CAMKK2: variants seen among roughly 807,000 people sequenced by gnomAD.
CAMKK2 encodes calcium/calmodulin-dependent protein kinase kinase 2.
CAMKK2 carries 30 observed loss-of-function variants against 67.2 expected under a neutral mutation model. The ratio of observed to expected loss-of-function variants is 0.45; its 90% CI spans 0.33 to 0.61. The LOEUF is 0.61. Among genes scored for constraint, CAMKK2 ranks in the 20% least tolerant of loss-of-function variants. CAMKK2 has a pLI of 0.02. For synonymous variants in CAMKK2, 322 were observed against 326.2 expected (o/e 0.99, Z 0.14); for missense variants, 643 against 802.0 (o/e 0.80, Z 2.39).
intron 3 of CAMKK2, among the ~76,000 whole-genome samples, chr12:121,270,551 T>C (rs1163808163): frequency 6.6e-6 from 1 of 151,924 alleles, no homozygotes; most frequent in East Asian, 1.9e-4. Context: ...GCATTTGGAG[T>C]TTTGACCATG....
intron 1 of CAMKK2, among the ~76,000 whole-genome samples, chr12:121,279,212 C>T (rs985544291): frequency 2.0e-5 from 3 of 152,230 alleles, no homozygotes; most frequent in Non-Finnish European, 2.9e-5. Flanking sequence ...TCGGCCTCTG[C>T]GGTCTGTTGG....
At chr12:121,268,083 C>CAT (rs71850101) in intron 5 of CAMKK2, among the ~76,000 whole-genome samples, 3,482 of 96,950 alleles carry the variant, frequency 0.036, 313 homozygotes, top group African/African-American at 0.076. Context: ...CCATTGGATG[C>CAT]ATATATATAT....
chr12:121,269,421 A>T, intron 4 of CAMKK2, 107 bp downstream of exon 4: 1 of 856,334 alleles, frequency 1.2e-6, no homozygotes, highest in African/African-American at 1.7e-5. Flanking sequence ...ATGACCTAAG[A>T]ATAAAATGAG....
At chr12:121,255,206 TTATATATATAATTTTA>T (rs201529670) in intron 9 of CAMKK2, among the ~76,000 whole-genome samples, 3,352 of 22,226 alleles carry the variant, frequency 0.15, 844 homozygotes, top group African/African-American at 0.23. Context: ...ATATATATAA[TTATATATATAATTTTA>T]TATATATATA....
At chr12:121,255,959 C>T (rs1304315906) in intron 7 of CAMKK2, among the ~76,000 whole-genome samples, 155 bp from the exon 8 acceptor site, 4 of 152,166 alleles carry the variant, frequency 2.6e-5, no homozygotes, top group Non-Finnish European at 4.4e-5. Context: ...CCAAGCTGGC[C>T]AAGGTCCTGC....
chr12:121,277,257 C>G (rs965052142), intron 1 of CAMKK2, among the ~76,000 whole-genome samples: 8 of 152,204 alleles, frequency 5.3e-5, no homozygotes, highest in Non-Finnish European at 7.3e-5. Flanking sequence ...AGAGTCCAAT[C>G]ATGCGGCAAG....
At chr12:121,241,669 G>A (rs1156354364) in intron 16 of CAMKK2, among the ~76,000 whole-genome samples, 3 of 152,242 alleles carry the variant, frequency 2.0e-5, no homozygotes, top group Non-Finnish European at 2.9e-5. Context: ...ACAACAATCC[G>A]TGTCTCCTGT....
intron 2 of CAMKK2, among the ~76,000 whole-genome samples, chr12:121,273,709 A>C (rs1407631340): frequency 2.0e-5 from 3 of 151,998 alleles, no homozygotes; most frequent in African/African-American, 7.3e-5. Context: ...CCATGAGTAT[A>C]AATACCCCAG....
At chr12:121,296,961 G>C (rs1901417737), upstream of CAMKK2, among the ~76,000 whole-genome samples, 1 of 152,014 alleles carries the variant, frequency 6.6e-6, no homozygotes, top group South Asian at 2.1e-4. This position sits in a 1 kb window ranked among gnomAD's most constrained non-coding sequence, Gnocchi z 7.1. Context: ...GTAGCGAAGA[G>C]GCGAAGGGCA....
chr12:121,288,348 G>C (rs1899209431), intron 1 of CAMKK2, among the ~76,000 whole-genome samples: 1 of 152,052 alleles, frequency 6.6e-6, no homozygotes, highest in Non-Finnish European at 1.5e-5. Flanking sequence ...CCCACCTTTT[G>C]GACATCATGC....
chr12:121,262,484 CCTGGGCAA>C (rs1459361240), intron 6 of CAMKK2, among the ~76,000 whole-genome samples: 1 of 151,770 alleles, frequency 6.6e-6, no homozygotes, highest in Non-Finnish European at 1.5e-5. Context: ...TGCACTCCAG[CCTGGGCAA>C]CAGAGTGAGA....
At position 121,240,996 on chromosome 12, in the gene CAMKK2, C is replaced by T. The variant is rs1888274315; in HGVS notation, c.1597-127G>A. Reference sequence around the variant, plus strand: ...CGCGCACCCCCTGGAACGTGATCTACGTAACCCAGTCTTTGAGATCCTCTC... The same window carrying T: ...CGCGCACCCCCTGGAACGTGATCTATGTAACCCAGTCTTTGAGATCCTCTC... On this transcript the variant is annotated intron_variant, in intron 16 of 16. Transcript: ENST00000404169. The surrounding 1 kb of genome is among the most constrained non-coding windows in gnomAD (Gnocchi z 4.4). 2.3e-6 allele frequency: 2 copies of T among 873,514 alleles called. No homozygotes were observed. The highest frequency in any genetic ancestry group is 2.5e-5 in the East Asian group (1 of 39,542). The allele number at this position is 873,514 out of a possible 1,614,324, so 54.1% of individuals were successfully genotyped here. A position where few individuals can be genotyped will look rare whatever the true frequency, so the allele number is the denominator to read the frequency against.
intron 1 of CAMKK2, among the ~76,000 whole-genome samples, chr12:121,295,581 T>A (rs759370295): frequency 2.0e-5 from 3 of 152,072 alleles, no homozygotes; most frequent in Middle Eastern, 3.2e-3. Context: ...GAGTGGTAAA[T>A]GGCAGCACAG....
Position 121,281,825 on chromosome 12 carries a change from A to G in CAMKK2, c.-59-7240T>C, listed in dbSNP as rs185077923. Among the ~76,000 whole-genome samples the G allele has an allele frequency of 6.6e-5, 10 of 152,338 alleles. No individual in the cohort carries two copies. The East Asian group carries it at 1.9e-3, about 29-fold the overall frequency. On this transcript the variant is annotated intron_variant, in intron 1 of 16. Transcript: ENST00000404169. ...GCCAGGTGTGGTGGCGGGCGCCTGTAATCTCAGCTACTTGGGAGGCTGAGG... is the reference window on the plus strand; with the variant it reads ...GCCAGGTGTGGTGGCGGGCGCCTGTGATCTCAGCTACTTGGGAGGCTGAGG...
intron 7 of CAMKK2, among the ~76,000 whole-genome samples, chr12:121,258,624 C>T (rs558478524): frequency 2.6e-5 from 4 of 152,220 alleles, no homozygotes; most frequent in South Asian, 2.1e-4. Context: ...AAAATATAAC[C>T]GTGTCAGGAT....
rs1269585733 is a variant in CAMKK2, at chr12:121,255,316, TTA to T, written c.907+232_907+233del. 5.9e-3 allele frequency among the ~76,000 whole-genome samples: 27 copies of T among 4,546 alleles called. 3 individuals are homozygous for T. Among genetic ancestry groups the T allele is most frequent in the African/African-American group, 0.024 (24 of 1,012 alleles). 3.0% of individuals were successfully genotyped at this position (4,546 alleles called of 152,430 possible). A position where few individuals can be genotyped will look rare whatever the true frequency, so the allele number is the denominator to read the frequency against. ...TATATATATAATTTTATATATAATT[TTA>T]TATATATATAATTATATATAATTTT... On this transcript the variant is annotated intron_variant, in intron 9 of 16. Coordinates refer to ENST00000404169, the MANE Select transcript of CAMKK2 (RefSeq NM_001270485.2).
Position 121,291,846 on chromosome 12 carries a change from A to G in CAMKK2, c.-60+4792T>C, listed in dbSNP as rs373782339. Among the ~76,000 whole-genome samples, 372 of 152,092 alleles carry G rather than the reference A, an allele frequency of 2.4e-3. 1 individual carries two copies. The highest frequency in any genetic ancestry group is 8.7e-3 in the African/African-American group (359 of 41,494). ...GCCGAGGCGGGCAGATCATGAGGTCAAGAGATCAAGACCATCCTAGCCAAC... is the reference window on the plus strand; with the variant it reads ...GCCGAGGCGGGCAGATCATGAGGTCGAGAGATCAAGACCATCCTAGCCAAC... On this transcript the variant is annotated intron_variant, in intron 1 of 16. Coordinates refer to ENST00000404169, the MANE Select transcript of CAMKK2 (RefSeq NM_001270485.2).
intron 1 of CAMKK2, among the ~76,000 whole-genome samples, chr12:121,278,592 G>A (rs1334871596): frequency 2.0e-5 from 3 of 152,186 alleles, no homozygotes; most frequent in South Asian, 4.1e-4. Context: ...TAAGCCTCAC[G>A]AGATCTGATG....
chr12:121,257,371 C>G (rs1033055424), intron 7 of CAMKK2, among the ~76,000 whole-genome samples: 3 of 151,984 alleles, frequency 2.0e-5, no homozygotes, highest in Non-Finnish European at 4.4e-5. Context: ...CTCAGCCTCC[C>G]GAGTAGCTGG....
Sources: gnomAD v4.1 joint callset for allele counts (sites outside exome capture counted in the v4.1 genomes callset) on GRCh38, gnomAD v4.1.1 for gene constraint, Gnocchi (gnomAD v3.1) non-coding constraint, MANE v1.5 for transcripts, NCBI Gene and HGNC (gene_info 2026-07-23, HGNC 2026-07-21) for gene names.